The following DDAH1 variants were observed in gnomAD, a reference collection of about 807,000 sequenced individuals.
The protein encoded by DDAH1 is dimethylarginine dimethylaminohydrolase 1, also known as N(G),N(G)-dimethylarginine dimethylaminohydrolase 1.
DDAH1 carries 19 observed loss-of-function variants against 28.8 expected under a neutral mutation model. The ratio of observed to expected loss-of-function variants is 0.66; its 90% CI spans 0.46 to 0.97. The LOEUF is 0.97. DDAH1 is among the 50% of genes least tolerant of loss of function. The pLI, the probability that DDAH1 is intolerant of heterozygous loss-of-function variation, is 0.00. For synonymous variants in DDAH1, 153 were observed against 154.4 expected (o/e 0.99, Z 0.07); for missense variants, 326 against 375.9 (o/e 0.87, Z 1.10).
At chr1:85,508,405 G>A (rs1450711374) in intron 1 of DDAH1, among the ~76,000 whole-genome samples, 1 of 152,206 alleles carries the variant, frequency 6.6e-6, no homozygotes, top group Admixed American at 6.5e-5. Context: ...TGTGATTGAC[G>A]CTGAAGACGG....
intron 2 of DDAH1, among the ~76,000 whole-genome samples, chr1:85,471,056 C>T (rs925420866): frequency 1.3e-5 from 2 of 151,572 alleles, no homozygotes; most frequent in African/African-American, 4.9e-5. Flanking sequence ...GACTTCATCA[C>T]CTGCGATCCC....
intron 2 of DDAH1, among the ~76,000 whole-genome samples, chr1:85,475,823 G>T (rs748664439): frequency 6.6e-6 from 1 of 152,040 alleles, no homozygotes; most frequent in East Asian, 1.9e-4. Context: ...CTCTGAGGTG[G>T]TTGGGTTTTG....
At chr1:85,568,048 A>G (rs985299245) in intron 1 of DDAH1, among the ~76,000 whole-genome samples, 3 of 152,232 alleles carry the variant, frequency 2.0e-5, no homozygotes, top group Non-Finnish European at 2.9e-5. Flanking sequence ...AAAATATCCA[A>G]ATATCCTAAA....
chr1:85,357,439 T>C (rs552649253), intron 2 of DDAH1, among the ~76,000 whole-genome samples: 132 of 152,354 alleles, frequency 8.7e-4, no homozygotes, highest in African/African-American at 3.0e-3. Flanking sequence ...AAAGAACTGC[T>C]TAAATGTCAC....
intron 1 of DDAH1, among the ~76,000 whole-genome samples, chr1:85,408,358 C>G (rs1054014543): frequency 4.0e-5 from 6 of 151,840 alleles, no homozygotes; most frequent in African/African-American, 9.7e-5. Context: ...TCTGCTCCAC[C>G]CCAGAGGTAA....
chr1:85,366,458 AACCAAGATATTT>A (rs1470545499), intron 1 of DDAH1, among the ~76,000 whole-genome samples: 42 of 152,200 alleles, frequency 2.8e-4, no homozygotes, highest in African/African-American at 1.0e-3. Context: ...GCTAAAAATT[AACCAAGATATTT>A]AGCATTTTGG....
At chr1:85,566,921 G>T (rs530757561) in intron 1 of DDAH1, among the ~76,000 whole-genome samples, 6 of 152,346 alleles carry the variant, frequency 3.9e-5, no homozygotes, top group African/African-American at 1.4e-4. Flanking sequence ...GGAGCTGATG[G>T]TGTAGTTCCA....
chr1:85,379,185 C>G (rs1650842608), intron 1 of DDAH1, among the ~76,000 whole-genome samples: 1 of 152,144 alleles, frequency 6.6e-6, no homozygotes, highest in Non-Finnish European at 1.5e-5. Flanking sequence ...CCCTTGTTTT[C>G]ACAGATGAAC....
intron 1 of DDAH1, among the ~76,000 whole-genome samples, chr1:85,564,041 A>G (rs927687542): frequency 3.3e-5 from 5 of 152,108 alleles, no homozygotes; most frequent in Non-Finnish European, 7.4e-5. Context: ...GCATGGTGGT[A>G]TGCACCTGTA....
chr1:85,404,561 G>C (rs967312206), intron 1 of DDAH1: 1 of 1,347,656 alleles, frequency 7.4e-7, no homozygotes, highest in African/African-American at 1.5e-5. Context: ...AAAAAAAATA[G>C]GAGTTCATTT....
chr1:85,333,137 G>T (rs1647885458), intron 4 of DDAH1, among the ~76,000 whole-genome samples: 1 of 152,170 alleles, frequency 6.6e-6, no homozygotes, highest in African/African-American at 2.4e-5. Flanking sequence ...GGCCCACCTG[G>T]CGTCCTATCC....
At chr1:85,397,811 A>G (rs1040478274) in intron 1 of DDAH1, among the ~76,000 whole-genome samples, 2 of 152,116 alleles carry the variant, frequency 1.3e-5, no homozygotes, top group African/African-American at 4.8e-5. Flanking sequence ...TCATGCTGAA[A>G]TCTGATCCCC....
At chr1:85,432,363 C>T (rs1301026525) in intron 1 of DDAH1, among the ~76,000 whole-genome samples, 1 of 152,192 alleles carries the variant, frequency 6.6e-6, no homozygotes, top group Non-Finnish European at 1.5e-5. Flanking sequence ...CCCATCCCTC[C>T]CAAAGCTATG....
intron 1 of DDAH1, among the ~76,000 whole-genome samples, chr1:85,411,156 C>T (rs1040828215): frequency 2.0e-5 from 3 of 152,300 alleles, no homozygotes; most frequent in African/African-American, 7.2e-5. Context: ...AAAAACACTG[C>T]AGTGCATATG....
intron 1 of DDAH1, among the ~76,000 whole-genome samples, chr1:85,571,057 G>A (rs1659440095): frequency 6.6e-6 from 1 of 152,160 alleles, no homozygotes; most frequent in Admixed American, 6.5e-5. Context: ...TAACTTCTCT[G>A]AGCCTTCATT....
At chr1:85,514,631 GT>G (rs1199407334) in intron 1 of DDAH1, among the ~76,000 whole-genome samples, 18 of 147,268 alleles carry the variant, frequency 1.2e-4, no homozygotes, top group Admixed American at 2.0e-4. Flanking sequence ...TGGCAAATTA[GT>G]TTTTTTTTCC....
chr1:85,550,211 A>G (rs973861350), intron 1 of DDAH1, among the ~76,000 whole-genome samples: 3 of 152,122 alleles, frequency 2.0e-5, no homozygotes, highest in Admixed American at 6.5e-5. Context: ...CCCTCCCAAG[A>G]CCTAATGACC....
intron 1 of DDAH1, among the ~76,000 whole-genome samples, chr1:85,526,243 A>G (rs1657868041): frequency 6.6e-6 from 1 of 152,210 alleles, no homozygotes; most frequent in Non-Finnish European, 1.5e-5. Flanking sequence ...GGAGAGAAAA[A>G]GGCTTATTCC....
At chr1:85,358,960 C>A in intron 1 of DDAH1, 113 bp from the exon 2 acceptor site, 1 of 684,950 alleles carries the variant, frequency 1.5e-6, no homozygotes, top group African/African-American at 1.8e-5. Context: ...CACACACATC[C>A]ACACTCATAT....
Sources: allele counts gnomAD v4.1 joint callset (sites outside exome capture counted in the v4.1 genomes callset), GRCh38; gene constraint gnomAD v4.1.1; transcripts MANE v1.5; gene names NCBI Gene and HGNC (gene_info 2026-07-23, HGNC 2026-07-21).